The following TP53BP1 variants were observed in gnomAD, a reference collection of about 807,000 sequenced individuals.
TP53BP1 encodes the protein tumor protein p53 binding protein 1, also known as TP53-binding protein 1.
Under a neutral mutation model 200.8 loss-of-function variants are expected in TP53BP1, and 61 were observed. The observed-to-expected ratio is 0.30, with a 90% CI of 0.25 to 0.38. The LOEUF (loss-of-function observed/expected upper bound fraction) is 0.38, where lower values mean the gene tolerates loss of function less well. Ranked by LOEUF, TP53BP1 falls within the 10% of genes least tolerant of loss-of-function variation. The probability of loss-of-function intolerance (pLI) is 1.00; values close to 1 mark genes in which losing one functional copy is unlikely to be tolerated. For synonymous variants in TP53BP1, 822 were observed against 844.3 expected (o/e 0.97, Z 0.46); for missense variants, 2,144 against 2,371.9 (o/e 0.90, Z 2.00).
intron 18 of TP53BP1, among the ~76,000 whole-genome samples, chr15:43,426,144 C>T (rs116212326): frequency 0.011 from 1,613 of 151,406 alleles, 34 homozygotes; most frequent in African/African-American, 0.038. Context: ...ATTTGGTATA[C>T]ACAAAGAATA....
intron 11 of TP53BP1, among the ~76,000 whole-genome samples, chr15:43,458,890 C>A (rs2046363894): frequency 6.6e-6 from 1 of 152,140 alleles, no homozygotes; most frequent in Non-Finnish European, 1.5e-5. Context: ...GTTACACCCA[C>A]TTTGGAAAAA....
chr15:43,439,312 T>C (rs1347664979), intron 15 of TP53BP1, among the ~76,000 whole-genome samples: 1 of 152,148 alleles, frequency 6.6e-6, no homozygotes. Context: ...CCAAGCCAGG[T>C]GGATCACTTG....
At chr15:43,431,493 C>A (rs1285652681) in intron 17 of TP53BP1, among the ~76,000 whole-genome samples, 2 of 152,144 alleles carry the variant, frequency 1.3e-5, no homozygotes, top group African/African-American at 4.8e-5. Context: ...AATCCTCCCA[C>A]CTGAGCCTCC....
chr15:43,409,851 G>C (rs988578939), intron 24 of TP53BP1, 110 bp from the exon 25 acceptor site: 3 of 515,588 alleles, frequency 5.8e-6, no homozygotes, highest in African/African-American at 2.0e-5. Flanking sequence ...ATCCACAACA[G>C]TGTGTCCCCA....
intron 23 of TP53BP1, chr15:43,414,244 A>G: frequency 2.5e-6 from 1 of 405,802 alleles, no homozygotes; most frequent in Non-Finnish European, 5.1e-6. Context: ...TGGGAAAGTT[A>G]GCCAACTTTT....
At chr15:43,469,796 A>ACCC (rs1483621649) in intron 11 of TP53BP1, 62 bp downstream of exon 11, 1 of 1,320,776 alleles carries the variant, frequency 7.6e-7, no homozygotes, top group Non-Finnish European at 1.1e-6. Flanking sequence ...TGTAAATTAT[A>ACCC]CCCCAATAAT....
chr15:43,420,977 CT>C, intron 20 of TP53BP1, 47 bp downstream of exon 20: 1 of 1,578,480 alleles, frequency 6.3e-7, no homozygotes, highest in Non-Finnish European at 8.6e-7. Flanking sequence ...CCTCCATTCC[CT>C]TGTTTTCTGA....
chr15:43,491,556 C>T (rs751469316), intron 4 of TP53BP1, 113 bp downstream of exon 4: 7 of 832,704 alleles, frequency 8.4e-6, no homozygotes, highest in East Asian at 2.4e-5. Flanking sequence ...AGTCCCATTT[C>T]CTAATCCACA....
At chr15:43,502,836 A>G (rs1357862733) in intron 1 of TP53BP1, among the ~76,000 whole-genome samples, 1 of 151,504 alleles carries the variant, frequency 6.6e-6, no homozygotes, top group Non-Finnish European at 1.5e-5. Flanking sequence ...GCTCACTGCA[A>G]CCTCTGTCTC....
At chr15:43,445,297 A>G (rs1326920648) in intron 14 of TP53BP1, among the ~76,000 whole-genome samples, 4 of 152,154 alleles carry the variant, frequency 2.6e-5, no homozygotes, top group African/African-American at 4.8e-5. Flanking sequence ...AAGTCAAAGT[A>G]TATTTCCAGA....
chr15:43,488,929 T>C (rs565572615), intron 4 of TP53BP1, among the ~76,000 whole-genome samples: 64 of 152,320 alleles, frequency 4.2e-4, no homozygotes, highest in Middle Eastern at 3.4e-3. Context: ...TTTCATTCTT[T>C]TGGAATCAAC....
intron 12 of TP53BP1, among the ~76,000 whole-genome samples, chr15:43,454,509 G>A (rs958475134): frequency 6.8e-5 from 10 of 146,074 alleles, no homozygotes; most frequent in Non-Finnish European, 1.2e-4. Context: ...GATTATAGGC[G>A]CCTGCCAGCA....
chr15:43,419,316 T>A (rs966017118), intron 21 of TP53BP1, among the ~76,000 whole-genome samples: 2 of 152,100 alleles, frequency 1.3e-5, no homozygotes, highest in African/African-American at 4.8e-5. Flanking sequence ...ATCACAAACC[T>A]TCCCAGGTCC....
chr15:43,503,859 A>G (rs1283017310), intron 1 of TP53BP1, among the ~76,000 whole-genome samples: 1 of 152,238 alleles, frequency 6.6e-6, no homozygotes, highest in Non-Finnish European at 1.5e-5. Flanking sequence ...AATATTCAGA[A>G]AAAAAGGGTG....
intron 24 of TP53BP1, among the ~76,000 whole-genome samples, chr15:43,412,023 T>A (rs778062881): frequency 8.7e-4 from 132 of 152,206 alleles, no homozygotes; most frequent in Non-Finnish European, 1.4e-3. Flanking sequence ...TCCAGGAAAC[T>A]CTTCAAATAC....
intron 4 of TP53BP1, among the ~76,000 whole-genome samples, chr15:43,483,742 GAA>G (rs2079007584): frequency 6.6e-6 from 1 of 152,218 alleles, no homozygotes; most frequent in African/African-American, 2.4e-5. Flanking sequence ...CAGAGGGAAA[GAA>G]AGTTCAAGAG....
rs1372769093 is a variant in TP53BP1 at position 43,403,557 on chromosome 15, A to G, written c.*3826T>C. On this transcript the variant is annotated 3_prime_UTR_variant, in exon 28 of 28. Transcript: ENST00000382044. ...GCAGGCCTTGCACGTGGCAGTGTCT[A>G]TCCTGTCAGATTTGGGAGGTCAGCT... 1.4e-6 allele frequency: 1 copy of G among 714,358 alleles called. No individual in the cohort carries two copies. Among genetic ancestry groups the G allele is most frequent in the East Asian group, 2.6e-5 (1 of 38,066 alleles). 44.3% of individuals were successfully genotyped at this position (714,358 alleles called of 1,614,324 possible).
chr15:43,472,084 T>C (rs767043700), intron 10 of TP53BP1, among the ~76,000 whole-genome samples: 6 of 152,232 alleles, frequency 3.9e-5, no homozygotes, highest in Non-Finnish European at 5.9e-5. Context: ...AAGGATATAA[T>C]AGGAGGCATA....
Position 43,404,651 on chromosome 15 carries a change from C to G in TP53BP1, c.*2732G>C. On this transcript the variant is annotated 3_prime_UTR_variant, in exon 28 of 28. Transcript: ENST00000382044. Reference sequence around the variant, plus strand: ...GGAAGAAGACTTTAGTCCAAATACCCTCATTTTATAAGTAAGGCTTAGAGA... The same window carrying G: ...GGAAGAAGACTTTAGTCCAAATACCGTCATTTTATAAGTAAGGCTTAGAGA... The G allele has an allele frequency of 1.5e-6, 2 of 1,305,034 alleles. No homozygotes were observed. Among genetic ancestry groups the G allele is most frequent in the South Asian group, 1.4e-5 (1 of 71,494 alleles). The allele number at this position is 1,305,034 out of a possible 1,614,324, so 80.8% of individuals were successfully genotyped here.
Sources: allele counts gnomAD v4.1 joint callset (sites outside exome capture counted in the v4.1 genomes callset), GRCh38; gene constraint gnomAD v4.1.1; transcripts MANE v1.5; gene names NCBI Gene and HGNC (gene_info 2026-07-23, HGNC 2026-07-21).